GRIK2: variants seen among roughly 807,000 people sequenced by gnomAD.
GRIK2 encodes the protein glutamate receptor ionotropic, kainate 2.
Under a neutral mutation model 100.3 loss-of-function variants are expected in GRIK2, and 32 were observed. That is an observed-to-expected ratio of 0.32 (90% CI 0.24 to 0.43). GRIK2 has a LOEUF of 0.43. GRIK2 is among the 20% of genes least tolerant of loss of function. The pLI, the probability that GRIK2 is intolerant of heterozygous loss-of-function variation, is 1.00. For synonymous variants in GRIK2, 417 were observed against 389.4 expected (o/e 1.07, Z -0.83); for missense variants, 843 against 1,114.9 (o/e 0.76, Z 3.47).
At chr6:101,907,591 G>A (rs1417370898) in intron 12 of GRIK2, among the ~76,000 whole-genome samples, 1 of 151,708 alleles carries the variant, frequency 6.6e-6, no homozygotes, top group Non-Finnish European at 1.5e-5. Flanking sequence ...ACAACTGTAA[G>A]TAAAGTTCAA....
intron 2 of GRIK2, among the ~76,000 whole-genome samples, chr6:101,503,011 G>C (rs1488291806): frequency 6.6e-6 from 1 of 152,092 alleles, no homozygotes; most frequent in African/African-American, 2.4e-5. Flanking sequence ...ACAGATGGAG[G>C]TGGGGGTTAT....
chr6:101,472,314 C>T (rs2128256624), intron 2 of GRIK2, among the ~76,000 whole-genome samples: 1 of 151,592 alleles, frequency 6.6e-6, no homozygotes. Flanking sequence ...AATTTGTTTT[C>T]CCTGTAGAGA....
chr6:101,757,721 C>CTG (rs1777225529), intron 7 of GRIK2, among the ~76,000 whole-genome samples: 1 of 152,150 alleles, frequency 6.6e-6, no homozygotes. Context: ...CATGGAGATC[C>CTG]TGTGTTAATG....
chr6:101,410,192 TG>T (rs1352622358), intron 2 of GRIK2, among the ~76,000 whole-genome samples: 1 of 152,134 alleles, frequency 6.6e-6, no homozygotes, highest in East Asian at 1.9e-4. Flanking sequence ...ATAAGTATAT[TG>T]TTCTAGTTTA....
chr6:101,529,278 G>A (rs17062099), intron 2 of GRIK2, among the ~76,000 whole-genome samples: 8,904 of 152,020 alleles, frequency 0.059, 907 homozygotes, highest in African/African-American at 0.21. Flanking sequence ...GAACTTTGTA[G>A]AATTTTGCTT....
At chr6:101,579,447 T>A (rs890631752) in intron 2 of GRIK2, among the ~76,000 whole-genome samples, 2 of 150,426 alleles carry the variant, frequency 1.3e-5, no homozygotes, top group Non-Finnish European at 3.0e-5. Flanking sequence ...TTTCTTTTTT[T>A]TCTTTCTTTC....
chr6:101,401,916 A>T (rs1434253791), intron 2 of GRIK2, among the ~76,000 whole-genome samples: 2 of 152,056 alleles, frequency 1.3e-5, no homozygotes, highest in Non-Finnish European at 2.9e-5. Flanking sequence ...TGTCCCTTCC[A>T]TCCCCCACCC....
intron 7 of GRIK2, among the ~76,000 whole-genome samples, chr6:101,775,667 A>G (rs1234714242): frequency 6.6e-6 from 1 of 151,674 alleles, no homozygotes. Context: ...TGAGCTGCTG[A>G]CAGATTTGGC....
chr6:101,395,438 T>A (rs1159367986), intron 1 of GRIK2, among the ~76,000 whole-genome samples: 3 of 152,200 alleles, frequency 2.0e-5, no homozygotes, highest in African/African-American at 7.2e-5. Context: ...GAAATTCAGG[T>A]TGTTCTGGGG....
At chr6:101,515,581 G>A (rs1446204007) in intron 2 of GRIK2, among the ~76,000 whole-genome samples, 1 of 151,996 alleles carries the variant, frequency 6.6e-6, no homozygotes, top group Non-Finnish European at 1.5e-5. Flanking sequence ...AACATGTACT[G>A]TTTATTGATT....
At chr6:101,922,307 A>G (rs1789606487) in intron 12 of GRIK2, among the ~76,000 whole-genome samples, 1 of 152,100 alleles carries the variant, frequency 6.6e-6, no homozygotes, top group Non-Finnish European at 1.5e-5. Flanking sequence ...ATCCCTTGAA[A>G]CATCTATATA....
intron 2 of GRIK2, among the ~76,000 whole-genome samples, chr6:101,548,631 A>G (rs186057827): frequency 2.4e-4 from 36 of 152,266 alleles, no homozygotes; most frequent in African/African-American, 8.4e-4. Flanking sequence ...AGATAGTTGT[A>G]GATATGTGGC....
intron 2 of GRIK2, among the ~76,000 whole-genome samples, chr6:101,473,194 T>C (rs1368136001): frequency 6.9e-6 from 1 of 144,600 alleles, no homozygotes; most frequent in Non-Finnish European, 1.6e-5. Flanking sequence ...CCCTCGCTCC[T>C]TCCTTCCTTC....
chr6:101,944,364 A>T (rs955243198), intron 14 of GRIK2, among the ~76,000 whole-genome samples: 17 of 152,266 alleles, frequency 1.1e-4, no homozygotes, highest in Admixed American at 9.2e-4. Context: ...TCTGAAGCAG[A>T]CTCTGTGACA....
At chr6:101,679,846 T>C (rs1161896775) in intron 5 of GRIK2, among the ~76,000 whole-genome samples, 2 of 152,126 alleles carry the variant, frequency 1.3e-5, no homozygotes, top group Admixed American at 6.6e-5. Flanking sequence ...TTCAAGCAAT[T>C]CTCTGCCTCG....
chr6:101,523,370 G>A (rs1774979019), intron 2 of GRIK2, among the ~76,000 whole-genome samples: 1 of 152,158 alleles, frequency 6.6e-6, no homozygotes, highest in African/African-American at 2.4e-5. Context: ...TGTCCTCAAA[G>A]AGATGACCAT....
chr6:101,575,606 TATAG>T (rs1777754743), intron 2 of GRIK2, among the ~76,000 whole-genome samples: 1 of 152,026 alleles, frequency 6.6e-6, no homozygotes. Context: ...ACCTAGAAAA[TATAG>T]ATAGTGTTCT....
At chr6:101,891,706 C>T (rs1787111225) in intron 12 of GRIK2, 1 of 319,454 alleles carries the variant, frequency 3.1e-6, no homozygotes, top group African/African-American at 2.3e-5. Flanking sequence ...AGCATATTGC[C>T]ATATAGCATT....
chr6:101,399,414 G>C (rs768177011), intron 2 of GRIK2, 22 bp downstream of exon 2: 5 of 1,198,154 alleles, frequency 4.2e-6, no homozygotes, highest in South Asian at 2.4e-5. Flanking sequence ...CATCTCTCTT[G>C]GTTGCCTGGT....
Sources: gnomAD v4.1 joint callset for allele counts (sites outside exome capture counted in the v4.1 genomes callset) on GRCh38, gnomAD v4.1.1 for gene constraint, MANE v1.5 for transcripts, NCBI Gene and HGNC (gene_info 2026-07-23, HGNC 2026-07-21) for gene names.